Variants in PTN observed in about 807,000 individuals in gnomAD.
PTN encodes pleiotrophin, also known as heparin affin regulatory protein.
Under a neutral mutation model 24.1 loss-of-function variants are expected in PTN, and 18 were observed. That is an observed-to-expected ratio of 0.75 (90% CI 0.52 to 1.11). The LOEUF (loss-of-function observed/expected upper bound fraction) is 1.11. Among genes scored for constraint, PTN ranks in the 50% least tolerant of loss-of-function variants. PTN has a pLI of 0.00. For synonymous variants in PTN, 78 were observed against 68.6 expected (o/e 1.14, Z -0.67); for missense variants, 163 against 198.8 (o/e 0.82, Z 1.08).
chr7:137,251,123 T>A, intron 4 of PTN, 107 bp downstream of exon 4: 1 of 1,331,690 alleles, frequency 7.5e-7, no homozygotes. Context: ...TTCAGTCACT[T>A]TCTTAAGGTA....
intron 1 of PTN, among the ~76,000 whole-genome samples, chr7:137,289,693 G>A (rs886197771): frequency 1.3e-5 from 2 of 152,122 alleles, no homozygotes; most frequent in African/African-American, 4.8e-5. Context: ...GCCCACAGCT[G>A]ACAGCAAGGA....
At chr7:137,297,344 T>A (rs1413870833) in intron 1 of PTN, among the ~76,000 whole-genome samples, 1 of 152,110 alleles carries the variant, frequency 6.6e-6, no homozygotes, top group African/African-American at 2.4e-5. Flanking sequence ...TAAACCTGTC[T>A]AAACAGAATG....
At chr7:137,256,359 C>T (rs1193930361) in intron 1 of PTN, among the ~76,000 whole-genome samples, 3 of 152,068 alleles carry the variant, frequency 2.0e-5, no homozygotes, top group African/African-American at 7.2e-5. Flanking sequence ...ATGTTCCCCT[C>T]CCTGTGTCCA....
chr7:137,337,595 A>G (rs1480948802), intron 1 of PTN, among the ~76,000 whole-genome samples: 2 of 152,232 alleles, frequency 1.3e-5, no homozygotes, highest in Non-Finnish European at 2.9e-5. Flanking sequence ...GAGGTAAGTA[A>G]GGTTTTCTCC....
At chr7:137,309,820 T>C (rs1405185260) in intron 1 of PTN, among the ~76,000 whole-genome samples, 1 of 152,232 alleles carries the variant, frequency 6.6e-6, no homozygotes, top group Non-Finnish European at 1.5e-5. Context: ...CTTCCTGCAC[T>C]GAAGTCATGA....
intron 1 of PTN, among the ~76,000 whole-genome samples, chr7:137,309,668 T>C (rs2128879643): frequency 6.6e-6 from 1 of 152,308 alleles, no homozygotes; most frequent in Middle Eastern, 3.4e-3. Context: ...AGCTTCCATC[T>C]CAAGAAACCA....
At chr7:137,304,815 T>A (rs564604463) in intron 1 of PTN, among the ~76,000 whole-genome samples, 1 of 152,044 alleles carries the variant, frequency 6.6e-6, no homozygotes, top group Non-Finnish European at 1.5e-5. Context: ...GCTTGTCTTC[T>A]TTAAGCATCC....
intron 1 of PTN, among the ~76,000 whole-genome samples, chr7:137,342,026 A>G (rs764998804): frequency 3.3e-5 from 5 of 152,196 alleles, no homozygotes; most frequent in Non-Finnish European, 5.9e-5. Context: ...TAAAGTGCAT[A>G]ATTTACTTAA....
Position 137,227,842 on chromosome 7 carries a change from G to T in PTN, c.*178C>A. 1.8e-6 allele frequency: 1 copy of T among 550,784 alleles called. No individual in the cohort carries two copies. The highest frequency in any genetic ancestry group is 3.0e-6 in the Non-Finnish European group (1 of 336,254). 34.1% of individuals were successfully genotyped at this position (550,784 alleles called of 1,614,324 possible). A position where few individuals can be genotyped will look rare whatever the true frequency, so the allele number is the denominator to read the frequency against. On this transcript the variant is annotated 3_prime_UTR_variant, in exon 5 of 5. Transcript: ENST00000348225. Reference sequence around the variant, plus strand: ...AGTCCTTTATTATAAGCCCCTACTGGTACTATAGTATACATTTAAAAAACG... The same window carrying T: ...AGTCCTTTATTATAAGCCCCTACTGTTACTATAGTATACATTTAAAAAACG...
chr7:137,336,363 C>T (rs1397069433), intron 1 of PTN, among the ~76,000 whole-genome samples: 2 of 152,120 alleles, frequency 1.3e-5, no homozygotes, highest in African/African-American at 2.4e-5. Context: ...CTTCCCTGGA[C>T]TGAAGCCTCT....
intron 1 of PTN, among the ~76,000 whole-genome samples, chr7:137,284,695 T>C (rs1809526868): frequency 6.6e-6 from 1 of 152,210 alleles, no homozygotes; most frequent in Admixed American, 6.5e-5. Flanking sequence ...CATACACTGT[T>C]AGATGACTAC....
chr7:137,326,254 G>A (rs1810259533), intron 1 of PTN: 2 of 152,156 alleles, frequency 1.3e-5, no homozygotes, highest in African/African-American at 4.8e-5. Context: ...GGATAATCCT[G>A]TCTCTCCACA....
chr7:137,283,186 G>A (rs961578302), intron 1 of PTN, among the ~76,000 whole-genome samples: 49 of 152,284 alleles, frequency 3.2e-4, no homozygotes, highest in African/African-American at 1.2e-3. Context: ...TATTTTCTTG[G>A]TTTAGCTGGC....
At position 137,232,202 on chromosome 7, in the gene PTN, T is replaced by C. The variant is rs1808438491; in HGVS notation, c.452-4127A>G. On this transcript the variant is annotated intron_variant, in intron 4 of 4. Coordinates refer to ENST00000348225, the MANE Select transcript of PTN (RefSeq NM_002825.7). Reference sequence around the variant, plus strand: ...TGAGGCTGCAAAGCAGAAATGGATATAAACAGAGAATGAGCCATTGTCAAC... The same window carrying C: ...TGAGGCTGCAAAGCAGAAATGGATACAAACAGAGAATGAGCCATTGTCAAC... 1.3e-5 allele frequency among the ~76,000 whole-genome samples: 2 copies of C among 151,920 alleles called. 1 individual carries two copies. Among genetic ancestry groups the C allele is most frequent in the Admixed American group, 1.3e-4 (2 of 15,224 alleles).
chr7:137,265,458 C>A (rs1419611097), intron 1 of PTN, among the ~76,000 whole-genome samples: 1 of 152,206 alleles, frequency 6.6e-6, no homozygotes, highest in Non-Finnish European at 1.5e-5. Context: ...CTTGAAAATT[C>A]TTAAGCTCAT....
intron 1 of PTN, among the ~76,000 whole-genome samples, chr7:137,315,212 T>C (rs1170896801): frequency 6.6e-6 from 1 of 152,196 alleles, no homozygotes; most frequent in South Asian, 2.1e-4. Context: ...CACCTGTACT[T>C]GATTGTAATA....
intron 1 of PTN, among the ~76,000 whole-genome samples, chr7:137,261,090 T>A (rs1475395158): frequency 6.6e-6 from 1 of 152,180 alleles, no homozygotes; most frequent in Non-Finnish European, 1.5e-5. Flanking sequence ...TTTCTTTTTT[T>A]AATGTTATTA....
chr7:137,280,725 A>AAAAAAAAAAAAAAAAAAAAAAAT, intron 1 of PTN, among the ~76,000 whole-genome samples: 1 of 138,462 alleles, frequency 7.2e-6, no homozygotes, highest in Admixed American at 7.2e-5. Context: ...AAAAAAAAAA[A>AAAAAAAAAAAAAAAAAAAAAAAT]GCTGAGTGTG....
intron 1 of PTN, among the ~76,000 whole-genome samples, chr7:137,267,755 C>T (rs1192163972): frequency 6.6e-6 from 1 of 152,140 alleles, no homozygotes; most frequent in Admixed American, 6.5e-5. Context: ...CACACACACA[C>T]TTTTACAGTT....
Sources: allele counts gnomAD v4.1 joint callset (sites outside exome capture counted in the v4.1 genomes callset), GRCh38; gene constraint gnomAD v4.1.1; transcripts MANE v1.5; gene names NCBI Gene and HGNC (gene_info 2026-07-23, HGNC 2026-07-21).